Variants in GRIA3 observed in about 807,000 individuals in gnomAD.
GRIA3 encodes the protein glutamate receptor 3.
A neutral mutation model predicts 63.0 loss-of-function variants in GRIA3; 3 were observed. The ratio of observed to expected loss-of-function variants is 0.05; its 90% CI spans 0.02 to 0.12. The LOEUF is 0.12. Ranked by LOEUF, GRIA3 falls within the 10% of genes least tolerant of loss-of-function variation. The probability of loss-of-function intolerance (pLI) is 1.00; values close to 1 mark genes in which losing one functional copy is unlikely to be tolerated. For missense variants in GRIA3, 347 were observed against 700.9 expected (o/e 0.50, Z 5.70); for synonymous variants, 274 against 257.9 (o/e 1.06, Z -0.60).
rs1014797022 is a variant in GRIA3 at position 123,365,161 on chromosome X, T to C, written c.750+10198T>C. ...AAGGTGATGGATATGTGAATTAGCTTGATCTAATCATTTCACATTGTATAT... is the reference window on the plus strand; with the variant it reads ...AAGGTGATGGATATGTGAATTAGCTCGATCTAATCATTTCACATTGTATAT... On this transcript the variant is annotated intron_variant, in intron 5 of 15. Transcript: ENST00000620443. 3.6e-5 allele frequency among the ~76,000 whole-genome samples: 4 copies of C among 111,971 alleles called. No individual in the cohort carries two copies. In the South Asian group the frequency reaches 1.5e-3, roughly 42 times the overall value.
intron 3 of GRIA3, among the ~76,000 whole-genome samples, chrX:123,281,864 ACAC>A (rs2044587779): frequency 8.9e-6 from 1 of 112,103 alleles, no homozygotes; most frequent in African/African-American, 3.2e-5. Context: ...TCTGTGATGA[ACAC>A]CACATCCCAT....
intron 2 of GRIA3, among the ~76,000 whole-genome samples, chrX:123,222,312 C>A (rs765636569): frequency 8.9e-6 from 1 of 112,349 alleles, no homozygotes; most frequent in African/African-American, 3.2e-5. Context: ...CTCTGTTTCT[C>A]CCACCATGTG....
At chrX:123,278,743 G>A (rs2044568983) in intron 3 of GRIA3, among the ~76,000 whole-genome samples, 1 of 111,800 alleles carries the variant, frequency 8.9e-6, no homozygotes, top group Non-Finnish European at 1.9e-5. Context: ...GTAAATGCAT[G>A]GATTTATTTC....
chrX:123,424,001 C>T (rs970526151), intron 11 of GRIA3, among the ~76,000 whole-genome samples: 1 of 111,707 alleles, frequency 9.0e-6, no homozygotes, highest in African/African-American at 3.3e-5. Flanking sequence ...AACTTCACGC[C>T]TCCTCTTACA....
At position 123,389,516 on chromosome X, in the gene GRIA3, T is replaced by C. The variant is rs1255486898; in HGVS notation, c.751-5452T>C. Among the ~76,000 whole-genome samples, 5 of 111,368 alleles carry C rather than the reference T, an allele frequency of 4.5e-5. No homozygotes were observed. The Admixed American group carries it at 4.8e-4, about 11-fold the overall frequency. On this transcript the variant is annotated intron_variant, in intron 5 of 15. Coordinates refer to ENST00000620443, the MANE Select transcript of GRIA3 (RefSeq NM_007325.5). ...GACTTAAGTCTGTTTTTTTCTGACA[T>C]AAGTATAGCTACTCCTGCTTGCTTT... is the stretch of plus-strand genomic sequence containing the variant.
intron 4 of GRIA3, among the ~76,000 whole-genome samples, chrX:123,337,014 G>C (rs2044978428): frequency 8.9e-6 from 1 of 112,019 alleles, no homozygotes; most frequent in Non-Finnish European, 1.9e-5. Context: ...CACTGAGCTT[G>C]AGACTCAAAA....
chrX:123,278,086 G>T (rs967837388), intron 3 of GRIA3, among the ~76,000 whole-genome samples: 3 of 112,053 alleles, frequency 2.7e-5, no homozygotes, highest in Non-Finnish European at 3.8e-5. Context: ...ACGTTTCAAC[G>T]ATCACAGATA....
intron 2 of GRIA3, among the ~76,000 whole-genome samples, chrX:123,208,597 C>G (rs1289170571): frequency 1.8e-5 from 2 of 111,888 alleles, no homozygotes; most frequent in Non-Finnish European, 3.8e-5. Context: ...TGATCTCTCC[C>G]AGTTGATATC....
intron 3 of GRIA3, among the ~76,000 whole-genome samples, chrX:123,256,580 T>C (rs2044421202): frequency 8.9e-6 from 1 of 111,747 alleles, no homozygotes; most frequent in Non-Finnish European, 1.9e-5. Flanking sequence ...AGAAGTCCAG[T>C]GTGGCTAAAG....
chrX:123,455,114 A>G lies in GRIA3; in HGVS notation c.2077-9751A>G, dbSNP rs184091616. Among the ~76,000 whole-genome samples the G allele has an allele frequency of 5.0e-3, 557 of 111,964 alleles. 4 individuals are homozygous for G. The highest frequency in any genetic ancestry group is 0.017 in the African/African-American group (517 of 30,846). On this transcript the variant is annotated intron_variant, in intron 12 of 15. Coordinates refer to ENST00000620443, the MANE Select transcript of GRIA3 (RefSeq NM_007325.5). ...AGGCGAAAGGTGACCTCCAACTCCA[A>G]TGAAGTTATCTAAAAGCCCAGCCCT...
chrX:123,448,237 G>A (rs1482593508), intron 12 of GRIA3, among the ~76,000 whole-genome samples: 1 of 112,134 alleles, frequency 8.9e-6, no homozygotes, highest in African/African-American at 3.2e-5. Context: ...GTTTCTGCAC[G>A]TGCCTAAGGA....
At chrX:123,342,555 C>T (rs1048459119) in intron 4 of GRIA3, among the ~76,000 whole-genome samples, 1 of 112,022 alleles carries the variant, frequency 8.9e-6, no homozygotes, top group African/African-American at 3.2e-5. Context: ...GGACTGAGTC[C>T]TAGAAACCTT....
At chrX:123,457,795 C>T (rs143912043) in intron 12 of GRIA3, among the ~76,000 whole-genome samples, 2,571 of 111,436 alleles carry the variant, frequency 0.023, 25 homozygotes, top group Middle Eastern at 0.055. Context: ...GGATGTTGAA[C>T]CCTGTCAAAC....
intron 2 of GRIA3, among the ~76,000 whole-genome samples, chrX:123,237,366 T>C (rs947727040): frequency 3.6e-5 from 4 of 111,707 alleles, no homozygotes; most frequent in African/African-American, 9.8e-5. Flanking sequence ...CTGTGCTTCA[T>C]GTTTTCTTAA....
intron 3 of GRIA3, among the ~76,000 whole-genome samples, chrX:123,287,067 C>T (rs531568414): frequency 2.3e-4 from 26 of 111,720 alleles, no homozygotes; most frequent in African/African-American, 7.5e-4. Flanking sequence ...TTATCCACCA[C>T]GATCAAGTTG....
chrX:123,379,620 G>GTTT (rs369507360), intron 5 of GRIA3, among the ~76,000 whole-genome samples: 16 of 67,984 alleles, frequency 2.4e-4, no homozygotes, highest in Admixed American at 7.8e-4. Context: ...CTAGCAACTT[G>GTTT]TTTTTTTTTT....
chrX:123,187,678 C>A (rs1927316554), intron 2 of GRIA3, among the ~76,000 whole-genome samples: 2 of 112,018 alleles, frequency 1.8e-5, no homozygotes, highest in African/African-American at 6.5e-5. Flanking sequence ...CCTTCAGTGT[C>A]TTTTCACTGA....
At chrX:123,199,865 G>A (rs1384558993) in intron 2 of GRIA3, among the ~76,000 whole-genome samples, 1 of 111,777 alleles carries the variant, frequency 8.9e-6, no homozygotes, top group Non-Finnish European at 1.9e-5. Context: ...GCAAAACAAA[G>A]TCTTGAAGTC....
chrX:123,331,870 T>C (rs1317766048), intron 4 of GRIA3, among the ~76,000 whole-genome samples: 4 of 111,724 alleles, frequency 3.6e-5, no homozygotes, highest in Non-Finnish European at 1.9e-5. Flanking sequence ...ACTGTTCCAC[T>C]ACCTTCCTTT....
Sources: gnomAD v4.1 joint callset for allele counts (sites outside exome capture counted in the v4.1 genomes callset) on GRCh38, gnomAD v4.1.1 for gene constraint, MANE v1.5 for transcripts, NCBI Gene and HGNC (gene_info 2026-07-23, HGNC 2026-07-21) for gene names.